The following PHF21B variants were observed in gnomAD, a reference collection of about 807,000 sequenced individuals.
The protein encoded by PHF21B is PHD finger protein 4.
Under a neutral mutation model 62.2 loss-of-function variants are expected in PHF21B, and 22 were observed. That is an observed-to-expected ratio of 0.35 (90% CI 0.25 to 0.51). The LOEUF is 0.51. Ranked by LOEUF, PHF21B falls within the 20% of genes least tolerant of loss-of-function variation. The pLI is 0.97. For missense variants in PHF21B, 701 were observed against 707.9 expected, an observed-to-expected ratio of 0.99 and a Z score of 0.11; for synonymous variants, 341 against 314.7, an observed-to-expected ratio of 1.08 and a Z score of -0.88.
chr22:44,931,133 C>A (rs546585701), intron 2 of PHF21B, among the ~76,000 whole-genome samples: 3 of 152,342 alleles, frequency 2.0e-5, no homozygotes, highest in Non-Finnish European at 2.9e-5. Context: ...TAGCTCACTG[C>A]AGCCTCGAAT....
At chr22:44,898,683 T>C (rs1247654729) in intron 5 of PHF21B, among the ~76,000 whole-genome samples, 2 of 152,228 alleles carry the variant, frequency 1.3e-5, no homozygotes, top group Non-Finnish European at 1.5e-5. Context: ...ATGAAACTTA[T>C]CAATATTTTC....
intron 2 of PHF21B, among the ~76,000 whole-genome samples, chr22:44,998,397 G>C (rs1031008329): frequency 6.6e-6 from 1 of 152,160 alleles, no homozygotes; most frequent in East Asian, 1.9e-4. Flanking sequence ...TAGGTTTCTC[G>C]CATGGGCCAA....
chr22:44,883,350 A>G, intron 12 of PHF21B, 46 bp from the exon 13 acceptor site: 1 of 1,576,962 alleles, frequency 6.3e-7, no homozygotes, highest in Non-Finnish European at 8.6e-7. Flanking sequence ...ATTCGGCTCT[A>G]CAGCCATCCT....
Position 44,916,643 on chromosome 22 carries a change from G to C in PHF21B, c.214-13C>G, listed in dbSNP as rs1221989673. The stretch of plus-strand genomic sequence containing the variant: ...TCTTTGGCCTAACCTGGGAAGAAGG[G>C]ACAGGTATGTGGTCAGACAGGCAGA... On this transcript the variant is annotated splice_polypyrimidine_tract_variant and intron_variant, in intron 3 of 12. Transcript: ENST00000313237. 1.3e-6 allele frequency: 2 copies of C among 1,597,810 alleles called. No homozygotes were observed. Among genetic ancestry groups the C allele is most frequent in the African/African-American group, 1.3e-5 (1 of 74,908 alleles).
At chr22:44,901,561 CATT>C (rs2071159511) in intron 5 of PHF21B, 1 of 259,868 alleles carries the variant, frequency 3.8e-6, no homozygotes, top group South Asian at 1.4e-4. Flanking sequence ...CTTAAAAACT[CATT>C]ATTGAGTTCT....
At chr22:44,960,993 G>A (rs2072408335) in intron 2 of PHF21B, among the ~76,000 whole-genome samples, 1 of 117,680 alleles carries the variant, frequency 8.5e-6, no homozygotes, top group Admixed American at 1.2e-4. Context: ...GTCTCATTCT[G>A]TCACCCAGGC....
intron 2 of PHF21B, chr22:44,970,791 A>G (rs2072622414): frequency 6.6e-6 from 1 of 152,276 alleles, no homozygotes. Flanking sequence ...CTATACAGCC[A>G]GGAAAGATTT....
chr22:44,994,630 CAG>C (rs2073091449), intron 2 of PHF21B, among the ~76,000 whole-genome samples: 1 of 152,200 alleles, frequency 6.6e-6, no homozygotes, highest in African/African-American at 2.4e-5. Context: ...AGCTAAGGCT[CAG>C]AGAGAAAAGT....
At chr22:44,928,486 T>G (rs1419296910) in intron 2 of PHF21B, among the ~76,000 whole-genome samples, 2 of 152,228 alleles carry the variant, frequency 1.3e-5, no homozygotes, top group Non-Finnish European at 2.9e-5. Context: ...CTTGGCTCAC[T>G]GCAACCTCTG....
intron 2 of PHF21B, among the ~76,000 whole-genome samples, chr22:44,954,444 C>T (rs1381102361): frequency 2.0e-5 from 3 of 152,196 alleles, no homozygotes; most frequent in Non-Finnish European, 4.4e-5. Flanking sequence ...ATTCCATAAA[C>T]AGCTACAGTG....
chr22:44,950,605 G>A (rs2072174038), intron 2 of PHF21B, among the ~76,000 whole-genome samples: 1 of 151,952 alleles, frequency 6.6e-6, no homozygotes, highest in African/African-American at 2.4e-5. Flanking sequence ...AAACTCTAAA[G>A]GTTTGTCTTT....
chr22:44,947,195 C>A (rs1056360128), intron 2 of PHF21B, among the ~76,000 whole-genome samples: 1 of 152,212 alleles, frequency 6.6e-6, no homozygotes, highest in African/African-American at 2.4e-5. Context: ...TCCCCGCCCC[C>A]ACCCTTGGCC....
chr22:44,904,478 C>T (rs966059173), intron 5 of PHF21B, among the ~76,000 whole-genome samples: 1 of 152,060 alleles, frequency 6.6e-6, no homozygotes, highest in Non-Finnish European at 1.5e-5. Flanking sequence ...TTTCTTTTGC[C>T]CTTGCTCTTG....
At position 44,905,967 on chromosome 22, in the gene PHF21B, C is replaced by T. The variant is rs187754031; in HGVS notation, c.831+7855G>A. Among the ~76,000 whole-genome samples the T allele has an allele frequency of 2.6e-3, 400 of 152,360 alleles. 2 individuals carry two copies. Among genetic ancestry groups the T allele is most frequent in the African/African-American group, 9.3e-3 (386 of 41,576 alleles). ...TTCAGCAAGTTTGCAGTTGCCTCAG[C>T]GCTGGCCACTTCCCTAGGTCTGGCT... On this transcript the variant is annotated intron_variant, in intron 5 of 12. Coordinates refer to ENST00000313237, the MANE Select transcript of PHF21B (RefSeq NM_138415.5).
chr22:44,968,729 T>C lies in PHF21B; in HGVS notation c.120+39816A>G, dbSNP rs563020543. ...TATTTTGAAGGACTTGCATTATACTTATCCACTGAGCCTCGCTAACCCCAA... is the reference window on the plus strand; with the variant it reads ...TATTTTGAAGGACTTGCATTATACTCATCCACTGAGCCTCGCTAACCCCAA... On this transcript the variant is annotated intron_variant, in intron 2 of 12. Transcript: ENST00000313237. Among the ~76,000 whole-genome samples, 4 of 152,244 alleles carry C rather than the reference T, an allele frequency of 2.6e-5. No homozygotes were observed. The South Asian group carries it at 8.3e-4, about 32-fold the overall frequency.
chr22:44,902,648 A>T (rs1301507125), intron 5 of PHF21B, among the ~76,000 whole-genome samples: 1 of 152,168 alleles, frequency 6.6e-6, no homozygotes, highest in African/African-American at 2.4e-5. Flanking sequence ...TAATTTAGCC[A>T]CTTAGCCATC....
At chr22:44,895,922 A>G in intron 6 of PHF21B, 110 bp downstream of exon 6, 2 of 1,167,614 alleles carry the variant, frequency 1.7e-6, no homozygotes, top group South Asian at 2.4e-5. Context: ...CGCTCCACCC[A>G]TATCGGCTGC....
intron 2 of PHF21B, among the ~76,000 whole-genome samples, chr22:44,929,663 G>A (rs1371565415): frequency 6.6e-6 from 1 of 152,258 alleles, no homozygotes; most frequent in Non-Finnish European, 1.5e-5. Flanking sequence ...ACTGTTACAA[G>A]GACCAGAGGG....
chr22:44,910,514 T>A (rs1601590078), intron 5 of PHF21B, among the ~76,000 whole-genome samples: 1 of 152,110 alleles, frequency 6.6e-6, no homozygotes, highest in Middle Eastern at 3.4e-3. Context: ...ATGGGGCGGG[T>A]CTTTCCTGTG....
Sources: gnomAD v4.1 joint callset for allele counts (sites outside exome capture counted in the v4.1 genomes callset) on GRCh38, gnomAD v4.1.1 for gene constraint, MANE v1.5 for transcripts, NCBI Gene and HGNC (gene_info 2026-07-23, HGNC 2026-07-21) for gene names.